The following GRM8 variants were observed in gnomAD, a reference collection of about 807,000 sequenced individuals.
GRM8 encodes the protein glutamate metabotropic receptor 8, also known as metabotropic glutamate receptor 8.
Under a neutral mutation model 87.2 loss-of-function variants are expected in GRM8, and 47 were observed. The ratio of observed to expected loss-of-function variants is 0.54; its 90% CI spans 0.43 to 0.69. The LOEUF (loss-of-function observed/expected upper bound fraction) is 0.69, where lower values mean the gene tolerates loss of function less well. Ranked by LOEUF, GRM8 falls within the 30% of genes least tolerant of loss-of-function variation. The pLI is 0.00. For missense variants in GRM8, 1,019 were observed against 1,139.2 expected (o/e 0.89, Z 1.52); for synonymous variants, 396 against 404.5 (o/e 0.98, Z 0.25).
chr7:126,597,011 G>A (rs904951372), intron 8 of GRM8, among the ~76,000 whole-genome samples: 1 of 151,952 alleles, frequency 6.6e-6, no homozygotes. Flanking sequence ...TGTCCTTGTT[G>A]TATATTTCAT....
chr7:126,822,560 T>C (rs1172098753), intron 6 of GRM8, among the ~76,000 whole-genome samples: 1 of 151,488 alleles, frequency 6.6e-6, no homozygotes, highest in Admixed American at 6.6e-5. Flanking sequence ...CCCTCCTTCA[T>C]TCTCTCCCTT....
chr7:126,902,447 T>C, intron 6 of GRM8, 95 bp downstream of exon 6: 2 of 996,274 alleles, frequency 2.0e-6, no homozygotes, highest in East Asian at 2.6e-5. Context: ...AGAAAATACA[T>C]TCATCATTAT....
chr7:126,912,779 A>T (rs1327055838), intron 3 of GRM8, among the ~76,000 whole-genome samples: 1 of 152,230 alleles, frequency 6.6e-6, no homozygotes, highest in Non-Finnish European at 1.5e-5. Flanking sequence ...TGAAATTTAT[A>T]CAAAAATGAA....
chr7:126,544,999 T>A (rs1177497335), intron 8 of GRM8, among the ~76,000 whole-genome samples: 1 of 152,200 alleles, frequency 6.6e-6, no homozygotes, highest in African/African-American at 2.4e-5. Context: ...AGATCTGCTA[T>A]TACTTGTTTT....
In GRM8 at chr7:127,233,566, GA is replaced by G. The variant is rs549863043; in HGVS notation, c.510+9128del. ...TCTCAATCCATGTGAGAGGAAGCAA[GA>G]GTAAGACACTAGAGCAAGAATAAGT... On this transcript the variant is annotated intron_variant, in intron 2 of 10. Transcript: ENST00000339582. Among the ~76,000 whole-genome samples the G allele has an allele frequency of 2.8e-3, 420 of 152,304 alleles. 1 individual carries two copies. The highest frequency in any genetic ancestry group is 9.7e-3 in the African/African-American group (402 of 41,574).
At chr7:127,097,919 T>G (rs1020912644) in intron 3 of GRM8, among the ~76,000 whole-genome samples, 1 of 152,232 alleles carries the variant, frequency 6.6e-6, no homozygotes, top group Admixed American at 6.5e-5. Context: ...CTGTTTCATA[T>G]TAACAGCAGC....
chr7:126,705,223 A>T (rs1004783641), intron 7 of GRM8, among the ~76,000 whole-genome samples: 1 of 152,140 alleles, frequency 6.6e-6, no homozygotes, highest in African/African-American at 2.4e-5. Flanking sequence ...TTACTTTGCT[A>T]TAATTACTAT....
At chr7:126,485,262 G>A (rs917075107) in intron 9 of GRM8, among the ~76,000 whole-genome samples, 3 of 134,558 alleles carry the variant, frequency 2.2e-5, no homozygotes, top group African/African-American at 9.0e-5. Flanking sequence ...GGTAACACAT[G>A]ACCCAGATTT....
At chr7:126,979,951 C>T (rs910669356) in intron 3 of GRM8, among the ~76,000 whole-genome samples, 1 of 152,226 alleles carries the variant, frequency 6.6e-6, no homozygotes, top group Non-Finnish European at 1.5e-5. Context: ...TTGCCCAATA[C>T]AGTAGCCACA....
At chr7:126,670,030 C>G (rs145417326) in intron 7 of GRM8, among the ~76,000 whole-genome samples, 1 of 152,240 alleles carries the variant, frequency 6.6e-6, no homozygotes, top group African/African-American at 2.4e-5. Flanking sequence ...ATAAGAACAA[C>G]AAGGTATTCT....
chr7:126,849,569 T>C (rs985240703), intron 6 of GRM8, among the ~76,000 whole-genome samples: 1 of 152,218 alleles, frequency 6.6e-6, no homozygotes, highest in Non-Finnish European at 1.5e-5. Flanking sequence ...TCAGCAAACA[T>C]TCTTTATTTC....
At chr7:126,806,305 C>A (rs79059842) in intron 6 of GRM8, among the ~76,000 whole-genome samples, 1 of 152,164 alleles carries the variant, frequency 6.6e-6, no homozygotes, top group Admixed American at 6.5e-5. Context: ...TTCGTGGTCT[C>A]GCGGCCTTCA....
chr7:126,522,633 GT>G (rs1813165267), intron 9 of GRM8, among the ~76,000 whole-genome samples: 1 of 152,166 alleles, frequency 6.6e-6, no homozygotes, highest in Non-Finnish European at 1.5e-5. Flanking sequence ...CTTAAAACAG[GT>G]TTTTGGTCAC....
rs73720733 is a variant in GRM8, at chr7:126,668,439, C to A, written c.1358-58941G>T. Among the ~76,000 whole-genome samples the A allele has an allele frequency of 8.9e-3, 1,361 of 152,158 alleles. 15 individuals carry two copies. The highest frequency in any genetic ancestry group is 0.031 in the Middle Eastern group (9 of 290). ...GACTTCTGAGGGTGGAGAACCATGC[C>A]CCCAACCCCCTGTCTCCCCCAGGCC... On this transcript the variant is annotated intron_variant, in intron 7 of 10. Transcript: ENST00000339582.
intron 7 of GRM8, among the ~76,000 whole-genome samples, chr7:126,642,561 AC>A (rs1802517786): frequency 1.3e-5 from 2 of 151,994 alleles, no homozygotes; most frequent in Admixed American, 1.3e-4. Flanking sequence ...AATAGTGTGA[AC>A]CTGGGAGGCA....
intron 2 of GRM8, among the ~76,000 whole-genome samples, chr7:127,223,216 G>A (rs545691916): frequency 3.3e-5 from 5 of 152,112 alleles, no homozygotes; most frequent in South Asian, 2.1e-4. Context: ...ACATGGCAAC[G>A]AGTTCCTGAA....
At chr7:126,629,516 T>C (rs1801040669) in intron 7 of GRM8, among the ~76,000 whole-genome samples, 1 of 152,156 alleles carries the variant, frequency 6.6e-6, no homozygotes, top group Admixed American at 6.5e-5. Flanking sequence ...ATTTAACAAT[T>C]AATATTTTCT....
chr7:126,625,041 C>T (rs1242717545), intron 7 of GRM8, among the ~76,000 whole-genome samples: 1 of 152,052 alleles, frequency 6.6e-6, no homozygotes, highest in Non-Finnish European at 1.5e-5. Context: ...CAGCAGACAC[C>T]CATAACATCC....
intron 3 of GRM8, among the ~76,000 whole-genome samples, chr7:126,913,531 C>A (rs1033990052): frequency 6.6e-6 from 1 of 152,186 alleles, no homozygotes; most frequent in East Asian, 1.9e-4. Flanking sequence ...TATGAACATG[C>A]CTTCAGATAA....
Sources: allele counts gnomAD v4.1 joint callset (sites outside exome capture counted in the v4.1 genomes callset), GRCh38; gene constraint gnomAD v4.1.1; transcripts MANE v1.5; gene names NCBI Gene and HGNC (gene_info 2026-07-23, HGNC 2026-07-21).